ACACA: variants seen among roughly 807,000 people sequenced by gnomAD.
ACACA encodes acetyl-CoA carboxylase 1.
A neutral mutation model predicts 296.1 loss-of-function variants in ACACA; 103 were observed. That is an observed-to-expected ratio of 0.35 (90% confidence interval 0.30 to 0.41). ACACA has a LOEUF of 0.41. Among genes scored for constraint, ACACA ranks in the 10% least tolerant of loss-of-function variants. ACACA has a pLI of 1.00. For missense variants in ACACA, 1,554 were observed against 2,989.7 expected (o/e 0.52, Z 11.20); for synonymous variants, 953 against 1,038.6 (o/e 0.92, Z 1.58).
intron 29 of ACACA, among the ~76,000 whole-genome samples, chr17:37,215,679 C>T (rs974483171): frequency 2.0e-5 from 3 of 146,948 alleles, no homozygotes; most frequent in African/African-American, 8.2e-5. Context: ...GTGCAAAATA[C>T]AGACATTCAG....
intron 3 of ACACA, among the ~76,000 whole-genome samples, chr17:37,292,554 A>G (rs1242343830): frequency 6.6e-6 from 1 of 152,210 alleles, no homozygotes; most frequent in African/African-American, 2.4e-5. Context: ...AGAATAAAAA[A>G]GGATAAAGAG....
At chr17:37,381,365 T>C (rs1268243327) in intron 1 of ACACA, among the ~76,000 whole-genome samples, 1 of 151,878 alleles carries the variant, frequency 6.6e-6, no homozygotes, top group Non-Finnish European at 1.5e-5. Flanking sequence ...TCTGTATTTT[T>C]AGTAGAGACA....
At chr17:37,316,318 C>CACACACACAG (rs1376950135) in intron 3 of ACACA, among the ~76,000 whole-genome samples, 2 of 151,610 alleles carry the variant, frequency 1.3e-5, no homozygotes, top group African/African-American at 4.9e-5. Context: ...CACACACACA[C>CACACACACAG]ACACACACAC....
rs1283793161 is a variant in ACACA, at chr17:37,391,722, T to G, written c.38+14540A>C. 9 of 1,612,996 alleles carry G rather than the reference T, an allele frequency of 5.6e-6. No homozygotes were observed. In the Admixed American group the frequency reaches 1.2e-4, roughly 21 times the overall value. ...CACTGTTATCCACCAGACATACTTC[T>G]GAAAAGTTCTGCTCTATCTCAAAGA... On this transcript the variant is annotated intron_variant, in intron 1 of 55. Transcript: ENST00000616317.
intron 30 of ACACA, among the ~76,000 whole-genome samples, 173 bp downstream of exon 30, chr17:37,210,294 A>G (rs1294293125): frequency 6.6e-6 from 1 of 152,194 alleles, no homozygotes; most frequent in Non-Finnish European, 1.5e-5. Context: ...GAAAAGCTGA[A>G]GCCATGTTTT....
At chr17:37,137,526 C>T (rs1305272476) in intron 45 of ACACA, among the ~76,000 whole-genome samples, 4 of 152,184 alleles carry the variant, frequency 2.6e-5, no homozygotes, top group Non-Finnish European at 4.4e-5. Context: ...TTATACCTAA[C>T]AGGCATGCAA....
At chr17:37,396,388 ATC>A (rs1224260811) in intron 1 of ACACA, among the ~76,000 whole-genome samples, 2 of 151,914 alleles carry the variant, frequency 1.3e-5, no homozygotes, top group South Asian at 2.1e-4. Flanking sequence ...CATATTTTGT[ATC>A]TCTGTTTTGC....
At chr17:37,330,843 A>G (rs1396894377) in intron 2 of ACACA, among the ~76,000 whole-genome samples, 1 of 152,180 alleles carries the variant, frequency 6.6e-6, no homozygotes, top group Admixed American at 6.5e-5. Context: ...GTTGTTTGAA[A>G]TAATATTTAA....
At chr17:37,193,496 G>T in intron 35 of ACACA, 81 bp from the exon 36 acceptor site, 1 of 1,093,848 alleles carries the variant, frequency 9.1e-7, no homozygotes, top group Admixed American at 1.8e-5. Context: ...AAACAGTTAA[G>T]CATTTAGAAG....
intron 7 of ACACA, 112 bp downstream of exon 7, chr17:37,276,921 A>C: frequency 1.1e-6 from 1 of 925,356 alleles, no homozygotes; most frequent in South Asian, 1.3e-5. Flanking sequence ...GGGAAAAAAA[A>C]AGAGAGAGAG....
intron 13 of ACACA, 91 bp downstream of exon 13, chr17:37,258,121 T>A: frequency 6.8e-7 from 1 of 1,469,812 alleles, no homozygotes; most frequent in Non-Finnish European, 9.4e-7. Flanking sequence ...CCAGAGGAAG[T>A]CCCAAGATAT....
chr17:37,162,161 C>T (rs1409488019), intron 41 of ACACA, 111 bp from the exon 42 acceptor site: 3 of 1,215,308 alleles, frequency 2.5e-6, no homozygotes, highest in African/African-American at 3.0e-5. Context: ...TGTAAAGATA[C>T]ACATTGCTAA....
rs563197106 is a variant in ACACA at position 37,161,676 on chromosome 17, A to G, written c.5349+105T>C. 3.5e-4 allele frequency: 474 copies of G among 1,363,158 alleles called. 1 individual carries two copies. Among genetic ancestry groups the G allele is most frequent in the Non-Finnish European group, 4.5e-4 (442 of 987,902 alleles). 84.4% of individuals were successfully genotyped at this position (1,363,158 alleles called of 1,614,324 possible). ...ATTTTGTTTATATTTAATTTTTACCATAAGTGGTGATTTTTGAACTTAAAC... is the reference window on the plus strand; with the variant it reads ...ATTTTGTTTATATTTAATTTTTACCGTAAGTGGTGATTTTTGAACTTAAAC... On this transcript the variant is annotated intron_variant, in intron 42 of 55. Coordinates refer to ENST00000616317, the MANE Select transcript of ACACA (RefSeq NM_198834.3).
chr17:37,155,635 C>T (rs762451836), intron 43 of ACACA, 48 bp downstream of exon 43: 2 of 1,252,854 alleles, frequency 1.6e-6, no homozygotes, highest in South Asian at 1.2e-5. Context: ...ATACCATATT[C>T]TCCTTTCTTT....
At position 37,164,213 on chromosome 17, in the gene ACACA, T is replaced by C. The variant is rs550701890; in HGVS notation, c.5080-2163A>G. 1.5e-3 allele frequency among the ~76,000 whole-genome samples: 228 copies of C among 151,914 alleles called. 1 individual carries two copies. Among genetic ancestry groups the C allele is most frequent in the African/African-American group, 5.1e-3 (210 of 41,420 alleles). Reference sequence around the variant, plus strand: ...CCCCAGGCTGCTGCATATCACCTCATTGGGGAGCTGGCCATCAAGAAGGGC... The same window carrying C: ...CCCCAGGCTGCTGCATATCACCTCACTGGGGAGCTGGCCATCAAGAAGGGC... On this transcript the variant is annotated intron_variant, in intron 41 of 55. Transcript: ENST00000616317.
At chr17:37,149,659 T>C (rs2075957474) in intron 45 of ACACA, among the ~76,000 whole-genome samples, 1 of 152,066 alleles carries the variant, frequency 6.6e-6, no homozygotes, top group African/African-American at 2.4e-5. Context: ...GTACTCAAAA[T>C]AGTTGATAAA....
At position 37,161,651 on chromosome 17, in the gene ACACA, A is replaced by G. The variant is rs752829819; in HGVS notation, c.5349+130T>C. 4.5e-6 allele frequency: 5 copies of G among 1,112,086 alleles called. No homozygotes were observed. In the East Asian group the frequency reaches 1.3e-4, roughly 28 times the overall value. 68.9% of individuals were successfully genotyped at this position (1,112,086 alleles called of 1,614,324 possible). A position where few individuals can be genotyped will look rare whatever the true frequency, so the allele number is the denominator to read the frequency against. Reference sequence around the variant, plus strand: ...GTGTCTTAAGGAATTTTCACAAATAATTTTGTTTATATTTAATTTTTACCA... The same window carrying G: ...GTGTCTTAAGGAATTTTCACAAATAGTTTTGTTTATATTTAATTTTTACCA... On this transcript the variant is annotated intron_variant, in intron 42 of 55. Coordinates refer to ENST00000616317, the MANE Select transcript of ACACA (RefSeq NM_198834.3).
chr17:37,309,567 G>A (rs1253089411), intron 3 of ACACA, among the ~76,000 whole-genome samples: 1 of 152,118 alleles, frequency 6.6e-6, no homozygotes, highest in African/African-American at 2.4e-5. Context: ...AAAGGATAAA[G>A]ACCTCAAGTG....
intron 26 of ACACA, 67 bp from the exon 27 acceptor site, chr17:37,225,172 G>T: frequency 1.1e-6 from 1 of 926,360 alleles, no homozygotes; most frequent in Non-Finnish European, 1.8e-6. Flanking sequence ...CTATTAGGCA[G>T]CTCTGATACA....
Sources: gnomAD v4.1 joint callset for allele counts (sites outside exome capture counted in the v4.1 genomes callset) on GRCh38, gnomAD v4.1.1 for gene constraint, MANE v1.5 for transcripts, NCBI Gene and HGNC (gene_info 2026-07-23, HGNC 2026-07-21) for gene names.